Variants in FAM151B observed in about 807,000 individuals in gnomAD.
FAM151B encodes family with sequence similarity 151 member B.
Under a neutral mutation model 31.2 loss-of-function variants are expected in FAM151B, and 24 were observed. The observed-to-expected ratio is 0.77, with a 90% CI of 0.56 to 1.08. FAM151B has a LOEUF of 1.08. Ranked by LOEUF, FAM151B falls within the 50% of genes least tolerant of loss-of-function variation. The pLI, the probability that FAM151B is intolerant of heterozygous loss-of-function variation, is 0.00. For missense variants in FAM151B, 293 were observed against 328.6 expected (o/e 0.89, Z 0.84); for synonymous variants, 105 against 111.4 (o/e 0.94, Z 0.36).
rs76633421 is a variant in FAM151B at position 80,492,349 on chromosome 5, C to A, written c.25+4201C>A. On this transcript the variant is annotated intron_variant, in intron 1 of 5. Coordinates refer to ENST00000282226, the MANE Select transcript of FAM151B (RefSeq NM_205548.3). ...ATTATGGTGATCTGTGATCAGTGAT[C>A]TTCAAATACTACTATAATAATTGTT... is the stretch of plus-strand genomic sequence containing the variant. Among the ~76,000 whole-genome samples the A allele has an allele frequency of 6.8e-3, 1,036 of 152,232 alleles. 14 individuals are homozygous for A. Among genetic ancestry groups the A allele is most frequent in the African/African-American group, 0.024 (1,009 of 41,534 alleles).
At chr5:80,496,709 A>C (rs1743549563) in intron 1 of FAM151B, among the ~76,000 whole-genome samples, 1 of 152,162 alleles carries the variant, frequency 6.6e-6, no homozygotes, top group Admixed American at 6.5e-5. Flanking sequence ...AGCTTTAAAT[A>C]AAAGCAATTT....
intron 5 of FAM151B, among the ~76,000 whole-genome samples, chr5:80,526,589 C>A (rs1744983460): frequency 6.6e-6 from 1 of 152,070 alleles, no homozygotes; most frequent in Admixed American, 6.6e-5. Flanking sequence ...CACTGCACTC[C>A]AGCCTGTGCG....
intron 1 of FAM151B, chr5:80,500,336 G>T: frequency 1.1e-6 from 1 of 879,634 alleles, no homozygotes. Context: ...TGGAACCATG[G>T]AGGGTGTAGA....
At chr5:80,521,185 T>C (rs1422861916) in intron 4 of FAM151B, among the ~76,000 whole-genome samples, 1 of 142,430 alleles carries the variant, frequency 7.0e-6, no homozygotes, top group Non-Finnish European at 1.5e-5. Flanking sequence ...AGTGCAGTAG[T>C]ACCATCATGG....
intron 1 of FAM151B, among the ~76,000 whole-genome samples, chr5:80,493,686 C>T (rs1743402210): frequency 6.6e-6 from 1 of 152,138 alleles, no homozygotes; most frequent in South Asian, 2.1e-4. Context: ...TCCTGCAGTA[C>T]CCTCAGGCTT....
intron 3 of FAM151B, among the ~76,000 whole-genome samples, chr5:80,517,715 G>A (rs185221646): frequency 6.6e-5 from 10 of 152,218 alleles, no homozygotes; most frequent in East Asian, 1.9e-4. Context: ...ACAGTGCTTC[G>A]CATGTAGTAG....
intron 5 of FAM151B, among the ~76,000 whole-genome samples, chr5:80,535,845 A>C (rs1745476654): frequency 6.6e-6 from 1 of 152,228 alleles, no homozygotes; most frequent in Non-Finnish European, 1.5e-5. Context: ...CCCATCTAAC[A>C]AGGGATTAAT....
intron 5 of FAM151B, among the ~76,000 whole-genome samples, chr5:80,539,278 A>G (rs1745761424): frequency 6.6e-6 from 1 of 151,950 alleles, no homozygotes; most frequent in East Asian, 1.9e-4. Context: ...TTAAATGTTC[A>G]TGATATGCTA....
At chr5:80,534,480 G>A (rs886764866) in intron 5 of FAM151B, among the ~76,000 whole-genome samples, 5 of 152,086 alleles carry the variant, frequency 3.3e-5, no homozygotes, top group African/African-American at 9.7e-5. Context: ...GTGATACATC[G>A]TATTAACAGC....
At chr5:80,532,396 TAA>T (rs1561379515) in intron 5 of FAM151B, among the ~76,000 whole-genome samples, 1 of 151,960 alleles carries the variant, frequency 6.6e-6, no homozygotes, top group African/African-American at 2.4e-5. Context: ...ACAAAAACTA[TAA>T]GAGACTAAGA....
chr5:80,504,984 T>C (rs1040060562), intron 2 of FAM151B, among the ~76,000 whole-genome samples: 5 of 152,174 alleles, frequency 3.3e-5, no homozygotes, highest in Non-Finnish European at 7.3e-5. Flanking sequence ...AAGAACAACT[T>C]CTCTGTATCT....
chr5:80,524,094 T>G (rs913209726), intron 5 of FAM151B, among the ~76,000 whole-genome samples: 1 of 152,108 alleles, frequency 6.6e-6, no homozygotes, highest in African/African-American at 2.4e-5. Context: ...TAATTAAAAT[T>G]TTCAGTTCTC....
intron 1 of FAM151B, among the ~76,000 whole-genome samples, chr5:80,494,431 G>GTC (rs1743426433): frequency 1.4e-5 from 2 of 146,960 alleles, no homozygotes; most frequent in Admixed American, 1.3e-4. Flanking sequence ...CTTTCTTTCT[G>GTC]TCTTTCTTTC....
At chr5:80,500,903 A>T in intron 1 of FAM151B, 1 of 784,980 alleles carries the variant, frequency 1.3e-6, no homozygotes, top group South Asian at 1.3e-5. Context: ...GATCTGATTC[A>T]TGAGATCTAT....
chr5:80,538,481 T>TC (rs1292583390), intron 5 of FAM151B, among the ~76,000 whole-genome samples: 1,881 of 135,098 alleles, frequency 0.014, 99 homozygotes, highest in Non-Finnish European at 0.018. Context: ...TTTCTTTCTT[T>TC]CTTTCCTTCC....
intron 5 of FAM151B, among the ~76,000 whole-genome samples, chr5:80,537,791 A>G (rs911013331): frequency 1.3e-5 from 2 of 152,168 alleles, no homozygotes; most frequent in African/African-American, 4.8e-5. Flanking sequence ...AGCTTCTGTC[A>G]TACATTAATA....
intron 5 of FAM151B, among the ~76,000 whole-genome samples, chr5:80,536,603 G>A (rs1461530004): frequency 6.6e-6 from 1 of 152,184 alleles, no homozygotes; most frequent in Non-Finnish European, 1.5e-5. Flanking sequence ...TTCGATGTTT[G>A]TTGCAGCACT....
chr5:80,510,892 G>A (rs1744153429), intron 2 of FAM151B: 1 of 152,194 alleles, frequency 6.6e-6, no homozygotes, highest in Non-Finnish European at 1.5e-5. Context: ...AGAAATTACT[G>A]ACTGGTTTGA....
At chr5:80,521,441 T>G (rs1408296688) in intron 4 of FAM151B, among the ~76,000 whole-genome samples, 1 of 152,108 alleles carries the variant, frequency 6.6e-6, no homozygotes, top group Admixed American at 6.6e-5. Flanking sequence ...TGTCTTAACA[T>G]GATTTAAATA....
Sources: allele counts gnomAD v4.1 joint callset (sites outside exome capture counted in the v4.1 genomes callset), GRCh38; gene constraint gnomAD v4.1.1; transcripts MANE v1.5; gene names NCBI Gene and HGNC (gene_info 2026-07-23, HGNC 2026-07-21).